ZNF211: variants seen among roughly 807,000 people sequenced by gnomAD.
ZNF211 encodes zinc finger protein 211.
In ZNF211, 18 loss-of-function variants were observed where a neutral mutation model predicts 12.1. The observed-to-expected ratio is 1.48, with a 90% CI of 1.03 to 2.20. ZNF211 has a LOEUF of 2.20. Among genes scored for constraint, ZNF211 ranks in the 30% most tolerant of loss-of-function variants. ZNF211 has a pLI of 0.00. For synonymous variants in ZNF211, 249 were observed against 246.0 expected (o/e 1.01, Z -0.11); for missense variants, 677 against 703.1 (o/e 0.96, Z 0.42).
Position 57,641,317 on chromosome 19 carries a change from A to G in ZNF211, c.870A>G (p.Lys290=). Residue 290 remains lysine (K), a synonymous_variant, in exon 4 of 4, where the codon AAA becomes AAG. Coordinates refer to ENST00000240731, the MANE Select transcript of ZNF211 (RefSeq NM_006385.5). The stretch of plus-strand genomic sequence containing the variant: ...GATGTAACCTCATTCAGCACCAGAA[A>G]GTCCACAGTGAAGAAAGGCCTTATG... ...TRRCNLIQHQ[K]VHSEERPYEC... 6.2e-7 allele frequency: 1 copy of G among 1,614,226 alleles called. No individual in the cohort carries two copies. The highest frequency in any genetic ancestry group is 8.5e-7 in the Non-Finnish European group (1 of 1,180,044).
At chr19:57,637,131 G>T (rs1189485872) in intron 3 of ZNF211, among the ~76,000 whole-genome samples, 1 of 152,112 alleles carries the variant, frequency 6.6e-6, no homozygotes, top group East Asian at 1.9e-4. Context: ...TCTGTGAGCA[G>T]GGATAATTTT....
intron 1 of ZNF211, 87 bp from the exon 2 acceptor site, chr19:57,633,936 C>T (rs750888848): frequency 1.2e-6 from 2 of 1,607,450 alleles, no homozygotes; most frequent in Non-Finnish European, 1.7e-6. Flanking sequence ...TTACGTGGCT[C>T]TGGGCCGGGG....
At chr19:57,639,678 A>C (rs991534139) in intron 3 of ZNF211, among the ~76,000 whole-genome samples, 1 of 151,240 alleles carries the variant, frequency 6.6e-6, no homozygotes, top group Admixed American at 6.6e-5. Context: ...CACCCACCTC[A>C]GCCTCCCAAA....
intron 3 of ZNF211, among the ~76,000 whole-genome samples, chr19:57,635,506 C>G (rs1450239645): frequency 1.3e-5 from 2 of 152,200 alleles, no homozygotes; most frequent in Non-Finnish European, 2.9e-5. Context: ...TTGTTCTTTT[C>G]TATCTGGCTT....
At position 57,640,835 on chromosome 19, in the gene ZNF211, C is replaced by A. The variant is rs144995647; in HGVS notation, c.388C>A (p.Leu130Met). The A allele has an allele frequency of 1.9e-6, 3 of 1,614,072 alleles. No individual in the cohort carries two copies. The African/African-American group carries it at 4.0e-5, about 22-fold the overall frequency. The stretch of plus-strand genomic sequence containing the variant: ...TGCCGACTCCTGTGAAATATGTTGC[C>A]TGGTCTTGAGAGATATTTTGCACTT... ...QNADSCEICCLVLRDILHLAE... is the reference protein window; with the variant it reads ...QNADSCEICCMVLRDILHLAE... Residue 130 changes from leucine (L) to methionine (M), a missense_variant, in exon 4 of 4, where the codon CTG (leucine) becomes ATG (methionine). Transcript: ENST00000240731.
At chr19:57,634,159 C>A in intron 2 of ZNF211, 98 bp downstream of exon 2, 1 of 1,325,420 alleles carries the variant, frequency 7.5e-7, no homozygotes, top group Non-Finnish European at 1.0e-6. Flanking sequence ...TGGGACTCAC[C>A]TACCATTCTC....
intron 3 of ZNF211, among the ~76,000 whole-genome samples, chr19:57,636,681 T>C (rs1486865430): frequency 6.6e-6 from 1 of 152,228 alleles, no homozygotes; most frequent in Non-Finnish European, 1.5e-5. Context: ...AAGATTGTTT[T>C]AGCTATTCTG....
rs1259124507 is a variant in ZNF211, at chr19:57,641,521, A to G, written c.1074A>G (p.Glu358=). 10 of 1,614,104 alleles carry G rather than the reference A, an allele frequency of 6.2e-6. No homozygotes were observed. Among genetic ancestry groups the G allele is most frequent in the Non-Finnish European group, 8.5e-6 (10 of 1,180,052 alleles). The change falls in exon 4 of 4, where the codon GAA becomes GAG. Residue 358 remains glutamate (E), a synonymous_variant. Transcript: ENST00000240731. Reference sequence around the variant, plus strand: ...GAGAAAGGCCTTATGAATGTGGGGAATGTGGGAAATCTTTTAGCCAAAGGT... The same window carrying G: ...GAGAAAGGCCTTATGAATGTGGGGAGTGTGGGAAATCTTTTAGCCAAAGGT... ...HTGERPYECG[E]CGKSFSQRSN...
Position 57,641,021 on chromosome 19 carries a change from C to T in ZNF211, c.574C>T (p.His192Tyr). ...TASFTQSCIVHVSEKPFTCRE... is the reference protein window; with the variant it reads ...TASFTQSCIVYVSEKPFTCRE... ...CTCGTTTACACAGAGTTGCATAGTC[C>T]ATGTGTCGGAGAAACCCTTTACCTG... The change falls in exon 4 of 4, where the codon CAT (histidine) becomes TAT (tyrosine). Residue 192 changes from histidine (H) to tyrosine (Y), a missense_variant. Physicochemically the swap from His to Tyr is moderately conservative, Grantham distance 83. Coordinates refer to ENST00000240731, the MANE Select transcript of ZNF211 (RefSeq NM_006385.5). 6.2e-7 allele frequency: 1 copy of T among 1,614,166 alleles called. No homozygotes were observed.
chr19:57,640,993 T>C lies in ZNF211; in HGVS notation c.546T>C (p.Thr182=). ...TEAPFRSYVD[T]ASFTQSCIVH... ...CACCTTTCAGAAGTTATGTGGACAC[T>C]GCCTCGTTTACACAGAGTTGCATAG... Residue 182 remains threonine, a synonymous_variant, in exon 4 of 4, where the codon ACT becomes ACC. Transcript: ENST00000240731. 1.9e-6 allele frequency: 3 copies of C among 1,614,052 alleles called. No homozygotes were observed. The highest frequency in any genetic ancestry group is 1.1e-5 in the South Asian group (1 of 91,082).
intron 3 of ZNF211, among the ~76,000 whole-genome samples, chr19:57,635,429 A>G (rs2885006): frequency 0.18 from 27,486 of 152,054 alleles, 2,649 homozygotes; most frequent in East Asian, 0.32. Flanking sequence ...GGCAACCACC[A>G]TTTTACTTTT....
chr19:57,634,096 G>C (rs1203351265), intron 2 of ZNF211, 35 bp downstream of exon 2: 3 of 1,534,212 alleles, frequency 2.0e-6, no homozygotes, highest in East Asian at 2.3e-5. Context: ...CACTGGTCTG[G>C]AATGTCCCTC....
rs1009542600 is a variant in ZNF211 at position 57,643,703 on chromosome 19, G to T, written c.*1522G>T. Among the ~76,000 whole-genome samples the T allele has an allele frequency of 2.0e-5, 3 of 152,126 alleles. No homozygotes were observed. Among genetic ancestry groups the T allele is most frequent in the Non-Finnish European group, 4.4e-5 (3 of 68,026 alleles). ...ATACCATCATTATAATTATTACAATGAACATATCAGTCACCTCGGATTTAC... is the reference window on the plus strand; with the variant it reads ...ATACCATCATTATAATTATTACAATTAACATATCAGTCACCTCGGATTTAC... On this transcript the variant is annotated 3_prime_UTR_variant, in exon 4 of 4. Coordinates refer to ENST00000240731, the MANE Select transcript of ZNF211 (RefSeq NM_006385.5).
rs1225356152 is a variant in ZNF211, at chr19:57,641,829, CAG to C, written c.1383_1384del (p.Glu463LysfsTer13). ...TTCAGTTCACATCGGAAAGTCCACA[CAG>C]GGGAAAGGCCTTATGTGTGTGGGGA... is the stretch of plus-strand genomic sequence containing the variant. On this transcript the variant is annotated frameshift_variant, in exon 4 of 4. Transcript: ENST00000240731. LOFTEE classifies it low-confidence loss of function (END_TRUNC). The C allele has an allele frequency of 5.6e-6, 9 of 1,613,926 alleles. No individual in the cohort carries two copies. The highest frequency in any genetic ancestry group is 7.6e-6 in the Non-Finnish European group (9 of 1,180,016).
At chr19:57,640,570 T>C in intron 3 of ZNF211, 134 bp from the exon 4 acceptor site, 1 of 1,155,608 alleles carries the variant, frequency 8.7e-7, no homozygotes, top group Admixed American at 2.8e-5. Flanking sequence ...TTCCTCAACC[T>C]GACCCCCCAA....
At position 57,643,439 on chromosome 19, in the gene ZNF211, T is replaced by C. The variant is rs10404811; in HGVS notation, c.*1258T>C. Among the ~76,000 whole-genome samples, 27,644 of 152,148 alleles carry C rather than the reference T, an allele frequency of 0.18. 2,671 individuals are homozygous for C. Among genetic ancestry groups the C allele is most frequent in the East Asian group, 0.32 (1,654 of 5,180 alleles). ...GTTTTGTGTATTCCAATAGCCTTTC[T>C]GGGATGTGCACCTCAAGAACATTGC... On this transcript the variant is annotated 3_prime_UTR_variant, in exon 4 of 4. Transcript: ENST00000240731.
chr19:57,633,594 G>A, intron 1 of ZNF211, 158 bp downstream of exon 1: 1 of 1,525,166 alleles, frequency 6.6e-7, no homozygotes, highest in Non-Finnish European at 8.8e-7. Flanking sequence ...GGGGACAAGG[G>A]ACAGGACCGG....
intron 3 of ZNF211, chr19:57,639,994 T>C: frequency 2.6e-6 from 4 of 1,536,008 alleles, no homozygotes; most frequent in Non-Finnish European, 3.5e-6. Flanking sequence ...TGTTCATGAC[T>C]CCAGCCTCAG....
At position 57,641,029 on chromosome 19, in the gene ZNF211, G is replaced by A. The variant is rs148105121; in HGVS notation, c.582G>A (p.Ser194=). The A allele has an allele frequency of 9.1e-5, 147 of 1,614,132 alleles. No individual in the cohort carries two copies. The highest frequency in any genetic ancestry group is 2.6e-4 in the South Asian group (24 of 91,074). The change falls in exon 4 of 4, where the codon TCG becomes TCA. Residue 194 remains serine, a synonymous_variant. Coordinates refer to ENST00000240731, the MANE Select transcript of ZNF211 (RefSeq NM_006385.5). ...CACAGAGTTGCATAGTCCATGTGTC[G>A]GAGAAACCCTTTACCTGCAGGGAGA... The part of the protein sequence containing the change: ...SFTQSCIVHV[S]EKPFTCREIR...
Sources: allele counts gnomAD v4.1 joint callset (sites outside exome capture counted in the v4.1 genomes callset), GRCh38; gene constraint gnomAD v4.1.1; transcripts MANE v1.5; gene names NCBI Gene and HGNC (gene_info 2026-07-23, HGNC 2026-07-21).